The following STAU2 variants were observed in gnomAD, a reference collection of about 807,000 sequenced individuals.
STAU2 encodes staufen double-stranded RNA binding protein 2, also known as double-stranded RNA-binding protein Staufen homolog 2.
Under a neutral mutation model 65.9 loss-of-function variants are expected in STAU2, and 20 were observed. The ratio of observed to expected loss-of-function variants is 0.30; its 90% CI spans 0.21 to 0.44. The LOEUF (loss-of-function observed/expected upper bound fraction) is 0.44, where lower values mean the gene tolerates loss of function less well. Among genes scored for constraint, STAU2 ranks in the 20% least tolerant of loss-of-function variants. The pLI is 1.00. For synonymous variants in STAU2, 232 were observed against 233.9 expected, an observed-to-expected ratio of 0.99 and a Z score of 0.07; for missense variants, 558 against 683.9, an observed-to-expected ratio of 0.82 and a Z score of 2.05.
intron 13 of STAU2, among the ~76,000 whole-genome samples, chr8:73,545,397 T>A (rs1445299703): frequency 6.6e-6 from 1 of 152,084 alleles, no homozygotes; most frequent in Non-Finnish European, 1.5e-5. Flanking sequence ...AAAAAAAATT[T>A]GGAAGTTTTT....
intron 13 of STAU2, chr8:73,527,283 T>C (rs967825518): frequency 1.3e-5 from 2 of 159,528 alleles, no homozygotes; most frequent in African/African-American, 2.4e-5. Flanking sequence ...TCCTTGTCAT[T>C]AAGTGACGCA....
chr8:73,711,474 C>A (rs1467934702), intron 3 of STAU2, among the ~76,000 whole-genome samples: 1 of 152,068 alleles, frequency 6.6e-6, no homozygotes, highest in Non-Finnish European at 1.5e-5. Flanking sequence ...TTGCATAACA[C>A]AAATAGCATT....
At chr8:73,745,971 A>C (rs1281816582) in intron 1 of STAU2, among the ~76,000 whole-genome samples, 1 of 150,662 alleles carries the variant, frequency 6.6e-6, no homozygotes, top group African/African-American at 2.4e-5. Context: ...CCCCGAAGAG[A>C]CTAGAGTTCC....
chr8:73,566,452 T>C (rs1808618393), intron 12 of STAU2, among the ~76,000 whole-genome samples: 2 of 152,198 alleles, frequency 1.3e-5, no homozygotes, highest in South Asian at 4.1e-4. Flanking sequence ...TTCCATGTAA[T>C]AAAACATCTT....
chr8:73,617,207 ATTAT>A, intron 7 of STAU2, 81 bp downstream of exon 7: 1 of 1,494,872 alleles, frequency 6.7e-7, no homozygotes, highest in Non-Finnish European at 9.1e-7. Flanking sequence ...ATCAGAACAG[ATTAT>A]TTATTTTAAT....
chr8:73,732,899 C>A (rs986723306), intron 3 of STAU2: 2 of 152,086 alleles, frequency 1.3e-5, no homozygotes, highest in Admixed American at 1.3e-4. Context: ...GTACCAGCAC[C>A]AATGCTAAGC....
intron 13 of STAU2, among the ~76,000 whole-genome samples, chr8:73,444,846 CCTG>C (rs1287524696): frequency 6.6e-6 from 1 of 152,172 alleles, no homozygotes; most frequent in African/African-American, 2.4e-5. Flanking sequence ...AGATGGCTTC[CCTG>C]TGAAGACACT....
chr8:73,533,109 C>T (rs758530544), intron 13 of STAU2, among the ~76,000 whole-genome samples: 12 of 152,172 alleles, frequency 7.9e-5, no homozygotes, highest in Non-Finnish European at 1.5e-4. Context: ...AAAAATACTT[C>T]AGAGTTTGGT....
At position 73,550,900 on chromosome 8, in the gene STAU2, C is replaced by T. The variant is rs188409875; in HGVS notation, c.1530+1112G>A. On this transcript the variant is annotated intron_variant, in intron 13 of 14. Transcript: ENST00000524300. ...CAAAATACCCCCCAAAACACATGAC[C>T]TTCTTTTTCATTTTATAATCTAAAC... 179 of 986,982 alleles carry T rather than the reference C, an allele frequency of 1.8e-4. No individual in the cohort carries two copies. In the Middle Eastern group the frequency reaches 2.6e-3, roughly 14 times the overall value. 61.1% of individuals were successfully genotyped at this position (986,982 alleles called of 1,614,324 possible).
intron 13 of STAU2, among the ~76,000 whole-genome samples, chr8:73,434,883 T>A (rs1168865723): frequency 6.6e-6 from 1 of 151,904 alleles, no homozygotes; most frequent in Non-Finnish European, 1.5e-5. Flanking sequence ...CAAAAGCCAT[T>A]AATAACTCCC....
At chr8:73,608,333 C>T (rs1230084324) in intron 9 of STAU2, among the ~76,000 whole-genome samples, 1 of 152,134 alleles carries the variant, frequency 6.6e-6, no homozygotes, top group South Asian at 2.1e-4. Context: ...CAAGGCCAAG[C>T]ACAGTGGCTC....
At chr8:73,573,130 C>A (rs2128956868) in intron 12 of STAU2, among the ~76,000 whole-genome samples, 1 of 152,328 alleles carries the variant, frequency 6.6e-6, no homozygotes, top group Non-Finnish European at 1.5e-5. Flanking sequence ...AGAGCCAAAT[C>A]ATGAGTGAAC....
intron 13 of STAU2, among the ~76,000 whole-genome samples, chr8:73,506,977 T>C (rs1380408405): frequency 6.6e-6 from 1 of 152,192 alleles, no homozygotes; most frequent in Non-Finnish European, 1.5e-5. Flanking sequence ...TTCAGCGCTA[T>C]CTTCAGGTTC....
At chr8:73,572,697 G>C (rs969806218) in intron 12 of STAU2, among the ~76,000 whole-genome samples, 1 of 152,134 alleles carries the variant, frequency 6.6e-6, no homozygotes, top group South Asian at 2.1e-4. Context: ...AAATTCAACA[G>C]CCCTTCATGC....
chr8:73,598,397 T>C (rs1811371120), intron 10 of STAU2, among the ~76,000 whole-genome samples: 2 of 152,078 alleles, frequency 1.3e-5, no homozygotes, highest in Non-Finnish European at 2.9e-5. Flanking sequence ...CCGGCTAATT[T>C]TTTGTATTTA....
intron 4 of STAU2, among the ~76,000 whole-genome samples, chr8:73,694,292 C>T (rs1017966681): frequency 6.6e-6 from 1 of 152,020 alleles, no homozygotes; most frequent in Non-Finnish European, 1.5e-5. Flanking sequence ...AAAAAATCAC[C>T]AAGAATATAG....
intron 13 of STAU2, among the ~76,000 whole-genome samples, chr8:73,428,644 A>G (rs1254915843): frequency 2.6e-5 from 4 of 152,160 alleles, no homozygotes; most frequent in African/African-American, 9.7e-5. Flanking sequence ...AACTAAAAAC[A>G]ATTTTTAAAA....
At chr8:73,444,972 C>T (rs905571529) in intron 13 of STAU2, among the ~76,000 whole-genome samples, 3 of 152,186 alleles carry the variant, frequency 2.0e-5, no homozygotes, top group Admixed American at 6.5e-5. Flanking sequence ...TCCTCGCACT[C>T]TTCACCTCTA....
chr8:73,605,854 CACACACACACACACACACACACAT>C (rs1470868725), intron 9 of STAU2, among the ~76,000 whole-genome samples: 12 of 69,402 alleles, frequency 1.7e-4, no homozygotes, highest in African/African-American at 6.2e-4. Context: ...CACACACACA[CACACACACACACACACACACACAT>C]ACACACACAC....
Sources: gnomAD v4.1 joint callset for allele counts (sites outside exome capture counted in the v4.1 genomes callset) on GRCh38, gnomAD v4.1.1 for gene constraint, MANE v1.5 for transcripts, NCBI Gene and HGNC (gene_info 2026-07-23, HGNC 2026-07-21) for gene names.